FOXK2: variants seen among roughly 807,000 people sequenced by gnomAD.
FOXK2 encodes forkhead box K2.
Under a neutral mutation model 53.3 loss-of-function variants are expected in FOXK2, and 24 were observed. The ratio of observed to expected loss-of-function variants is 0.45; its 90% confidence interval spans 0.33 to 0.63. The LOEUF is 0.63. FOXK2 is among the 30% of genes least tolerant of loss of function. The probability of loss-of-function intolerance (pLI) is 0.03; values close to 1 mark genes in which losing one functional copy is unlikely to be tolerated. For synonymous variants in FOXK2, 505 were observed against 407.1 expected (o/e 1.24, Z -2.89); for missense variants, 952 against 910.5 (o/e 1.05, Z -0.59).
chr17:82,597,177 G>A (rs1164909065), intron 8 of FOXK2, among the ~76,000 whole-genome samples: 1 of 152,218 alleles, frequency 6.6e-6, no homozygotes, highest in Non-Finnish European at 1.5e-5. Context: ...TGTCCAGGAT[G>A]GTCCTTCCTG....
At chr17:82,573,724 G>A (rs561775161) in intron 4 of FOXK2, among the ~76,000 whole-genome samples, 33 of 152,230 alleles carry the variant, frequency 2.2e-4, no homozygotes, top group Admixed American at 5.2e-4. Flanking sequence ...AGAGTTTACA[G>A]CTTATTCTGA....
intron 1 of FOXK2, among the ~76,000 whole-genome samples, chr17:82,558,638 G>C (rs1177781847): frequency 6.6e-6 from 1 of 152,266 alleles, no homozygotes; most frequent in Non-Finnish European, 1.5e-5. Flanking sequence ...AGGACCGGCG[G>C]GGAGTCTGTT....
intron 1 of FOXK2, among the ~76,000 whole-genome samples, chr17:82,550,317 G>C (rs555836952): frequency 6.6e-6 from 1 of 152,248 alleles, no homozygotes; most frequent in African/African-American, 2.4e-5. Flanking sequence ...CTGAAGCAAG[G>C]CACCCCTGTT....
chr17:82,566,938 A>G (rs2044858788), intron 2 of FOXK2, among the ~76,000 whole-genome samples: 1 of 152,052 alleles, frequency 6.6e-6, no homozygotes, highest in African/African-American at 2.4e-5. Flanking sequence ...GGCTCTTTAA[A>G]CTCATAAATT....
At chr17:82,522,350 G>T (rs542437148) in intron 1 of FOXK2, among the ~76,000 whole-genome samples, 1 of 150,852 alleles carries the variant, frequency 6.6e-6, no homozygotes, top group South Asian at 2.1e-4. Flanking sequence ...ACCTGGCCAA[G>T]ATTTTGAGTT....
chr17:82,545,604 CAG>C (rs141888173), intron 1 of FOXK2, among the ~76,000 whole-genome samples: 26,237 of 142,820 alleles, frequency 0.18, 2,707 homozygotes, highest in Non-Finnish European at 0.24. Flanking sequence ...TCTTTTGAGA[CAG>C]AGTCTTGCTC....
At chr17:82,540,879 A>G (rs56008948) in intron 1 of FOXK2, among the ~76,000 whole-genome samples, 12,590 of 152,214 alleles carry the variant, frequency 0.083, 718 homozygotes, top group Middle Eastern at 0.14. Context: ...GGCTTGTTGA[A>G]CAGAAAAGCC....
At chr17:82,568,280 C>T in intron 3 of FOXK2, 79 bp downstream of exon 3, 2 of 1,531,494 alleles carry the variant, frequency 1.3e-6, no homozygotes, top group African/African-American at 1.4e-5. Flanking sequence ...CTGCCTGTCA[C>T]TCACCTGCCT....
Position 82,586,048 on chromosome 17 carries a change from A to G in FOXK2, c.1424A>G (p.His475Arg). The G allele has an allele frequency of 1.2e-6, 2 of 1,612,728 alleles. No homozygotes were observed. Among genetic ancestry groups the G allele is most frequent in the Non-Finnish European group, 1.7e-6 (2 of 1,179,964 alleles). ...PPVVQTVHVV[H>R]QIPAVSVTSV... Reference sequence around the variant, plus strand: ...GTCGTGCAGACGGTTCACGTCGTCCACCAGATCCCAGCGGTGTCGGTCACC... The same window carrying G: ...GTCGTGCAGACGGTTCACGTCGTCCGCCAGATCCCAGCGGTGTCGGTCACC... The change falls in exon 7 of 9, where the codon CAC becomes CGC. Residue 475 changes from histidine to arginine, a missense_variant. Coordinates refer to ENST00000335255, the MANE Select transcript of FOXK2 (RefSeq NM_004514.4).
intron 8 of FOXK2, among the ~76,000 whole-genome samples, chr17:82,588,776 T>C (rs2045223318): frequency 6.6e-6 from 1 of 151,564 alleles, no homozygotes; most frequent in African/African-American, 2.4e-5. Context: ...CCCTGCCTGG[T>C]ATAGTGCCTC....
At chr17:82,577,683 G>A (rs1185526769) in intron 4 of FOXK2, among the ~76,000 whole-genome samples, 4 of 152,216 alleles carry the variant, frequency 2.6e-5, no homozygotes, top group Non-Finnish European at 5.9e-5. Context: ...AAGTTTGAAA[G>A]GACGGGCCTC....
chr17:82,567,792 TTG>T (rs78504331), intron 2 of FOXK2, among the ~76,000 whole-genome samples: 22,793 of 152,152 alleles, frequency 0.15, 2,144 homozygotes, highest in East Asian at 0.32. Flanking sequence ...CCCTGAGAGC[TTG>T]TGTCACATTT....
Position 82,602,002 on chromosome 17 carries a change from C to G in FOXK2, c.*503C>G, listed in dbSNP as rs181946069. The G allele has an allele frequency of 6.5e-6, 1 of 153,668 alleles. No individual in the cohort carries two copies. The highest frequency in any genetic ancestry group is 6.5e-5 in the Admixed American group (1 of 15,442). The allele number at this position is 153,668 out of a possible 1,614,324, so 9.5% of individuals were successfully genotyped here. The stretch of plus-strand genomic sequence containing the variant: ...ATTTCTACTGAGACTTTCAGAATCA[C>G]ACAGGCCCTTTCCGTGGATTTCATT... On this transcript the variant is annotated 3_prime_UTR_variant, in exon 9 of 9. Transcript: ENST00000335255.
intron 3 of FOXK2, among the ~76,000 whole-genome samples, chr17:82,570,146 C>G (rs934427974): frequency 6.6e-6 from 1 of 151,696 alleles, no homozygotes. Context: ...GGCGTGAACC[C>G]GGGAGGTGGA....
chr17:82,591,463 T>C (rs2045252409), intron 8 of FOXK2, among the ~76,000 whole-genome samples: 1 of 151,944 alleles, frequency 6.6e-6, no homozygotes, highest in African/African-American at 2.4e-5. Context: ...TGCCGCCCCA[T>C]GGAGAAGGCC....
chr17:82,559,811 A>G (rs368595472), intron 1 of FOXK2, among the ~76,000 whole-genome samples: 156 of 152,138 alleles, frequency 1.0e-3, no homozygotes, highest in Middle Eastern at 3.4e-3. Flanking sequence ...AAAGCTTATT[A>G]AAAAGCTTTA....
chr17:82,587,576 G>C, intron 8 of FOXK2: 1 of 423,820 alleles, frequency 2.4e-6, no homozygotes, highest in East Asian at 5.0e-5. Context: ...AACGGCGGGA[G>C]CCGCCGCGTG....
intron 3 of FOXK2, among the ~76,000 whole-genome samples, chr17:82,569,952 T>C (rs1177160555): frequency 6.7e-6 from 1 of 150,338 alleles, no homozygotes; most frequent in East Asian, 2.0e-4. Flanking sequence ...CTGGGCGCAG[T>C]GGCTCACGCC....
intron 4 of FOXK2, chr17:82,578,190 A>G (rs1283700069): frequency 1.3e-5 from 2 of 152,262 alleles, no homozygotes; most frequent in East Asian, 1.9e-4. Flanking sequence ...TGCAGAGTGC[A>G]CACGGGAGCG....
Sources: gnomAD v4.1 joint callset for allele counts (sites outside exome capture counted in the v4.1 genomes callset) on GRCh38, gnomAD v4.1.1 for gene constraint, MANE v1.5 for transcripts, NCBI Gene and HGNC (gene_info 2026-07-23, HGNC 2026-07-21) for gene names.